Variants in NAV1 observed in about 807,000 individuals in gnomAD.
NAV1 encodes pore membrane and/or filament interacting like protein 3.
A neutral mutation model predicts 175.2 loss-of-function variants in NAV1; 18 were observed. The ratio of observed to expected loss-of-function variants is 0.10; its 90% CI spans 0.07 to 0.15. The LOEUF (loss-of-function observed/expected upper bound fraction) is 0.15. Among genes scored for constraint, NAV1 ranks in the 10% least tolerant of loss-of-function variants. The pLI, the probability that NAV1 is intolerant of heterozygous loss-of-function variation, is 1.00. For missense variants in NAV1, 1,731 were observed against 2,436.6 expected, an observed-to-expected ratio of 0.71 and a Z score of 6.10; for synonymous variants, 897 against 978.7, an observed-to-expected ratio of 0.92 and a Z score of 1.56.
At chr1:201,584,543 A>C (rs1666969782) in intron 1 of NAV1, among the ~76,000 whole-genome samples, 1 of 152,232 alleles carries the variant, frequency 6.6e-6, no homozygotes. Flanking sequence ...TCTTGTTTTC[A>C]TCTTGGTAAA....
At chr1:201,594,799 G>A (rs1215647020) in intron 2 of NAV1, among the ~76,000 whole-genome samples, 1 of 152,210 alleles carries the variant, frequency 6.6e-6, no homozygotes, top group African/African-American at 2.4e-5. Flanking sequence ...CCTGAAACTG[G>A]GGCTCTGGGA....
At chr1:201,727,758 C>T (rs1308160555) in intron 3 of NAV1, among the ~76,000 whole-genome samples, 2 of 152,186 alleles carry the variant, frequency 1.3e-5, no homozygotes, top group African/African-American at 2.4e-5. Flanking sequence ...CTGGGGCTTA[C>T]GGATTTCTAG....
chr1:201,788,420 C>T lies in NAV1; in HGVS notation c.2996-48C>T. The T allele has an allele frequency of 6.2e-7, 1 of 1,607,202 alleles. No homozygotes were observed. Among genetic ancestry groups the T allele is most frequent in the East Asian group, 2.2e-5 (1 of 44,854 alleles). On this transcript the variant is annotated intron_variant, in intron 9 of 29. Transcript: ENST00000367296. This position sits in a 1 kb window ranked among gnomAD's most constrained non-coding sequence, Gnocchi z 5.7. ...GAGAGCTGATGACCCTGCCTCTTTT[C>T]CTGCCCTCCTGCTCCCTCTCCTGTC...
chr1:201,629,333 T>G, intron 1 of NAV1, 71 bp from the exon 4 acceptor site: 3 of 1,110,506 alleles, frequency 2.7e-6, no homozygotes, highest in Non-Finnish European at 1.2e-6. Context: ...GAGGGTTTTC[T>G]TAGCCCCATG....
chr1:201,604,019 C>T (rs1193339114), intron 2 of NAV1, among the ~76,000 whole-genome samples: 1 of 152,152 alleles, frequency 6.6e-6, no homozygotes, highest in Admixed American at 6.5e-5. Flanking sequence ...TCTCATTTTT[C>T]CTTGAAACAA....
chr1:201,606,445 C>A (rs566274833), intron 2 of NAV1, among the ~76,000 whole-genome samples: 1 of 152,218 alleles, frequency 6.6e-6, no homozygotes, highest in Non-Finnish European at 1.5e-5. Context: ...GCCATGTGAA[C>A]TGTGAGGCTG....
intron 3 of NAV1, among the ~76,000 whole-genome samples, chr1:201,727,234 T>G (rs1017229192): frequency 9.9e-5 from 15 of 152,190 alleles, no homozygotes; most frequent in African/African-American, 3.1e-4. Context: ...TGGACCTAAG[T>G]TGTCACAGAC....
chr1:201,623,938 A>G (rs1435250724), intron 1 of NAV1, among the ~76,000 whole-genome samples: 1 of 152,216 alleles, frequency 6.6e-6, no homozygotes, highest in East Asian at 1.9e-4. Flanking sequence ...ATGTCGTGGA[A>G]GCTTAAGCAG....
At chr1:201,549,135 CT>C (rs1557992253) in intron 1 of NAV1, among the ~76,000 whole-genome samples, 89 of 131,270 alleles carry the variant, frequency 6.8e-4, no homozygotes, top group Admixed American at 1.7e-3. Flanking sequence ...TTCTTTCTTT[CT>C]TTCTTTCTTC....
rs1354947889 is a variant in NAV1, at chr1:201,782,769, A to G, written c.2257A>G (p.Ile753Val). Residue 753 changes from isoleucine (I) to valine (V), a missense_variant, in exon 6 of 30, where the codon ATC (isoleucine) becomes GTC (valine). This residue lies in a region of NAV1 where 634 missense variants were observed against 766.8 expected (regional missense o/e 0.83). Transcript: ENST00000367296. This position sits in a 1 kb window ranked among gnomAD's most constrained non-coding sequence, Gnocchi z 5.4. The stretch of plus-strand genomic sequence containing the variant: ...GGCAGTGGCCTTGGACTCAGACAAC[A>G]TCTCCTTGAAGAGTATTGGCTCCCC... 1.2e-6 allele frequency: 2 copies of G among 1,613,866 alleles called. No homozygotes were observed. The highest frequency in any genetic ancestry group is 1.7e-5 in the Admixed American group (1 of 59,988).
intron 3 of NAV1, among the ~76,000 whole-genome samples, chr1:201,721,141 G>A (rs1355538694): frequency 6.6e-6 from 1 of 151,872 alleles, no homozygotes. Context: ...CCAGCTGTAA[G>A]CCTTGGGAAG....
At chr1:201,655,461 AG>A (rs980435377) in intron 1 of NAV1, among the ~76,000 whole-genome samples, 2 of 151,790 alleles carry the variant, frequency 1.3e-5, no homozygotes, top group African/African-American at 4.8e-5. Context: ...GTGGGGAGGT[AG>A]GGGGGGCCAG....
exon 30 of NAV1, chr1:201,822,993 G>A (rs1403292519): frequency 2.0e-5 from 3 of 152,576 alleles, no homozygotes; most frequent in African/African-American, 7.2e-5. Context: ...TCCCACCTAC[G>A]TCCTGCTTCT....
At chr1:201,688,643 C>T (rs557482465) in intron 1 of NAV1, among the ~76,000 whole-genome samples, 21 of 152,118 alleles carry the variant, frequency 1.4e-4, no homozygotes, top group Non-Finnish European at 2.6e-4. Context: ...CACTGACACC[C>T]GCCCCCATCG....
intron 2 of NAV1, among the ~76,000 whole-genome samples, chr1:201,638,077 C>T (rs867473812): frequency 2.0e-5 from 3 of 152,200 alleles, no homozygotes; most frequent in Non-Finnish European, 4.4e-5. Context: ...CTACTAGAAG[C>T]CCCTGAGCAG....
At chr1:201,596,604 C>A (rs1667353198) in intron 2 of NAV1, among the ~76,000 whole-genome samples, 1 of 152,206 alleles carries the variant, frequency 6.6e-6, no homozygotes, top group Admixed American at 6.5e-5. Context: ...AGTGCCTGGT[C>A]ATGAGATTCC....
At chr1:201,755,849 G>A (rs1223785988) in intron 3 of NAV1, among the ~76,000 whole-genome samples, 2 of 152,178 alleles carry the variant, frequency 1.3e-5, no homozygotes. Context: ...GCTCACACCT[G>A]TAATCCCAGC....
At chr1:201,648,657 C>A (rs1422670596) in exon 1 of NAV1, 2 of 1,386,772 alleles carry the variant, frequency 1.4e-6, no homozygotes, top group Non-Finnish European at 1.9e-6. Context: ...CCATGCGCTC[C>A]TCGCGGGCAG....
intron 2 of NAV1, among the ~76,000 whole-genome samples, chr1:201,636,581 G>T (rs1317577568): frequency 2.0e-5 from 3 of 152,220 alleles, no homozygotes; most frequent in Admixed American, 6.5e-5. Context: ...ACATAGGAAG[G>T]TTCAGCAAGT....
Sources: gnomAD v4.1 joint callset for allele counts (sites outside exome capture counted in the v4.1 genomes callset) on GRCh38, gnomAD v4.1.1 for gene constraint, gnomAD v4.1.1 regional missense constraint, Gnocchi (gnomAD v3.1) non-coding constraint, MANE v1.5 for transcripts, NCBI Gene and HGNC (gene_info 2026-07-23, HGNC 2026-07-21) for gene names.